NDUFAF7: variants seen among roughly 807,000 people sequenced by gnomAD.
The protein encoded by NDUFAF7 is protein arginine methyltransferase NDUFAF7, mitochondrial.
A neutral mutation model predicts 47.2 loss-of-function variants in NDUFAF7; 48 were observed. The observed-to-expected ratio is 1.02, with a 90% CI of 0.81 to 1.29. The LOEUF is 1.29. NDUFAF7 is among the 50% of genes most tolerant of loss of function. NDUFAF7 has a pLI of 0.00. For missense variants in NDUFAF7, 635 were observed against 537.6 expected, an observed-to-expected ratio of 1.18 and a Z score of -1.79; for synonymous variants, 217 against 190.0, an observed-to-expected ratio of 1.14 and a Z score of -1.17.
At chr2:37,267,754 A>C in the NDUFAF7 span, 2 of 454,756 alleles carry the variant, frequency 4.4e-6, no homozygotes, top group Non-Finnish European at 7.7e-6. Context: ...TGCATTATCT[A>C]AACAGGAGAA....
chr2:37,259,242 T>G, the NDUFAF7 span, among the ~76,000 whole-genome samples: 1 of 152,234 alleles, frequency 6.6e-6, no homozygotes, highest in East Asian at 1.9e-4. Flanking sequence ...ATCTCCCATT[T>G]CCAGTAACAC....
chr2:37,260,260 C>T, the NDUFAF7 span: 69 of 1,611,774 alleles, frequency 4.3e-5, no homozygotes, highest in African/African-American at 2.5e-4. Context: ...TTCTGGAAGC[C>T]GACTTTTCTC....
downstream of NDUFAF7, among the ~76,000 whole-genome samples, chr2:37,249,558 G>GAGAC (rs1182053399): frequency 3.3e-4 from 42 of 128,502 alleles, 1 homozygote; most frequent in African/African-American, 1.3e-3. Flanking sequence ...GCCTGTGATA[G>GAGAC]ACACACACAC....
At chr2:37,265,326 T>C in the NDUFAF7 span, among the ~76,000 whole-genome samples, 17 of 152,228 alleles carry the variant, frequency 1.1e-4, no homozygotes, top group African/African-American at 3.9e-4. Flanking sequence ...CTAAATCTTA[T>C]GAAACTAATT....
chr2:37,236,612 TA>T (rs575793366), intron 3 of NDUFAF7, among the ~76,000 whole-genome samples: 17 of 147,718 alleles, frequency 1.2e-4, no homozygotes, highest in African/African-American at 7.5e-5. Flanking sequence ...CAGTCTCTAC[TA>T]AAAAAAAAAT....
At chr2:37,231,907 A>G in intron 1 of NDUFAF7, 147 bp downstream of exon 1, 1 of 1,587,942 alleles carries the variant, frequency 6.3e-7, no homozygotes, top group Non-Finnish European at 8.5e-7. Flanking sequence ...CGGGTCCGGT[A>G]CAAACGCAAT....
At chr2:37,258,104 CTCTGACTTAAAAAATG>C (rs1468084808), downstream of NDUFAF7, among the ~76,000 whole-genome samples, 1 of 152,140 alleles carries the variant, frequency 6.6e-6, no homozygotes, top group Non-Finnish European at 1.5e-5. Flanking sequence ...GGAGGAAATG[CTCTGACTTAAAAAATG>C]TCTTTAGCAA....
At position 37,231,767 on chromosome 2, in the gene NDUFAF7, G is replaced by C; in HGVS notation, c.55+7G>C. On this transcript the variant is annotated splice_region_variant and intron_variant, in intron 1 of 9. Coordinates refer to ENST00000002125, the MANE Select transcript of NDUFAF7 (RefSeq NM_144736.5). ...TGTGCCGTGGCGCGCGCAGGTAAGC[G>C]TCAGTCCCCTCGAAGCCCGGTTGCC... 6.2e-7 allele frequency: 1 copy of C among 1,614,176 alleles called. No homozygotes were observed.
At chr2:37,235,975 GGAGA>G in intron 2 of NDUFAF7, 117 bp from the exon 3 acceptor site, 1 of 878,234 alleles carries the variant, frequency 1.1e-6, no homozygotes. Context: ...CTTATTTAGA[GGAGA>G]GAACTTTCTT....
At chr2:37,252,862 T>TATATATATATATAA (rs1388368527), downstream of NDUFAF7, 2 of 148,792 alleles carry the variant, frequency 1.3e-5, no homozygotes, top group Non-Finnish European at 3.0e-5. Context: ...TATATATATA[T>TATATATATATATAA]AAAGAGAAAT....
downstream of NDUFAF7, among the ~76,000 whole-genome samples, chr2:37,253,936 ATATGTCATACTAATCT>A (rs1400515358): frequency 1.3e-5 from 2 of 152,246 alleles, no homozygotes; most frequent in Non-Finnish European, 2.9e-5. Flanking sequence ...TGATAAATTA[ATATGTCATACTAATCT>A]TACAAAAAGG....
At chr2:37,246,274 A>G (rs565866086) in intron 8 of NDUFAF7, 79 bp downstream of exon 8, 27 of 1,472,840 alleles carry the variant, frequency 1.8e-5, no homozygotes, top group Non-Finnish European at 2.5e-5. Context: ...TGATTTCTAC[A>G]GTGCCTGGTA....
chr2:37,237,724 TTTAATATG>T, intron 3 of NDUFAF7, 25 bp from the exon 4 acceptor site: 1 of 1,442,480 alleles, frequency 6.9e-7, no homozygotes, highest in Non-Finnish European at 9.7e-7. Context: ...TTTATAATAC[TTTAATATG>T]TGTTTTTTTT....
At chr2:37,267,554 AGAG>A in the NDUFAF7 span, 4 of 1,555,520 alleles carry the variant, frequency 2.6e-6, no homozygotes, top group Non-Finnish European at 3.5e-6. Context: ...GAAAAAAAGA[AGAG>A]GAACGAATGA....
the NDUFAF7 span, chr2:37,269,387 AAC>A: frequency 1.9e-6 from 1 of 532,212 alleles, no homozygotes; most frequent in African/African-American, 1.9e-5. Context: ...GAAGAGATAA[AAC>A]ACACTGTAAA....
the NDUFAF7 span, chr2:37,268,865 G>A: frequency 6.5e-6 from 1 of 153,984 alleles, no homozygotes; most frequent in South Asian, 2.0e-4. Context: ...CTATGAATCT[G>A]TAGATGACTG....
Position 37,231,709 on chromosome 2 carries a change from A to G in NDUFAF7, c.4A>G (p.Ser2Gly). The change falls in exon 1 of 10, where the codon AGT becomes GGT. Residue 2 changes from serine (S) to glycine (G), a missense_variant. Ser to Gly is a moderately conservative substitution (Grantham distance 56). Transcript: ENST00000002125. ...GAGCTAGCCTGCGAATTTCAGCATG[A>G]GTGTACTGCTGAGGTCAGGTTTGGG... M[S>G]VLLRSGLGPL... 6.2e-7 allele frequency: 1 copy of G among 1,614,090 alleles called. No individual in the cohort carries two copies. The highest frequency in any genetic ancestry group is 8.5e-7 in the Non-Finnish European group (1 of 1,180,010).
chr2:37,247,395 T>C, intron 8 of NDUFAF7, 61 bp from the exon 9 acceptor site: 1 of 1,560,810 alleles, frequency 6.4e-7, no homozygotes, highest in Non-Finnish European at 8.8e-7. Context: ...TTTAATATGA[T>C]AGCATTTCTT....
At chr2:37,246,311 A>C in intron 8 of NDUFAF7, 116 bp downstream of exon 8, 1 of 1,210,454 alleles carries the variant, frequency 8.3e-7, no homozygotes, top group Non-Finnish European at 1.2e-6. Context: ...TTTTATAGTT[A>C]ACATTAATTC....
Sources: allele counts gnomAD v4.1 joint callset (sites outside exome capture counted in the v4.1 genomes callset), GRCh38; gene constraint gnomAD v4.1.1; transcripts MANE v1.5; gene names NCBI Gene and HGNC (gene_info 2026-07-23, HGNC 2026-07-21).